The following AMOTL2 variants were observed in gnomAD, a reference collection of about 807,000 sequenced individuals.
The protein encoded by AMOTL2 is angiomotin like 2.
In AMOTL2, 33 loss-of-function variants were observed where a neutral mutation model predicts 78.4. That is an observed-to-expected ratio of 0.42 (90% CI 0.32 to 0.56). AMOTL2 has a LOEUF of 0.56. AMOTL2 is among the 20% of genes least tolerant of loss of function. The pLI is 0.12. For synonymous variants in AMOTL2, 422 were observed against 428.8 expected (o/e 0.98, Z 0.20); for missense variants, 983 against 1,030.1 (o/e 0.95, Z 0.63).
At chr3:134,360,751 T>C (rs993082373) in intron 6 of AMOTL2, among the ~76,000 whole-genome samples, 1 of 152,064 alleles carries the variant, frequency 6.6e-6, no homozygotes, top group Non-Finnish European at 1.5e-5. Flanking sequence ...AAGGGTAGGT[T>C]TGGGAGTGGA....
chr3:134,370,661 A>C (rs769990716), intron 2 of AMOTL2, 39 bp downstream of exon 2: 2 of 1,501,384 alleles, frequency 1.3e-6, no homozygotes, highest in Admixed American at 4.6e-5. Context: ...GTGCTGGAAG[A>C]AAGCCAGGAG....
chr3:134,374,992 G>C (rs2018036636), upstream of AMOTL2: 1 of 1,422,732 alleles, frequency 7.0e-7, no homozygotes, highest in African/African-American at 1.4e-5. Flanking sequence ...ATATCCTCTG[G>C]GCTGGGACAG....
upstream of AMOTL2, chr3:134,374,815 C>CA (rs899038401): frequency 5.7e-6 from 6 of 1,061,066 alleles, no homozygotes; most frequent in African/African-American, 6.7e-5. Context: ...GACCCGCTCT[C>CA]ACCCTTCATC....
Position 134,358,586 on chromosome 3 carries a change from A to G in AMOTL2, c.2238T>C (p.Pro746=). ...TACTGCTGCACCCCAGAAGGCTGTC[A>G]GGCTCCGGTGGCAGGCAGGTGGAGG... The part of the protein sequence containing the change: ...DSTSTCLPPE[P]DSLLGCSSSQ... Residue 746 remains proline (P), a synonymous_variant, in exon 9 of 10, where the codon CCT becomes CCC. Transcript: ENST00000249883. 6.2e-7 allele frequency: 1 copy of G among 1,614,146 alleles called. No homozygotes were observed. The highest frequency in any genetic ancestry group is 8.5e-7 in the Non-Finnish European group (1 of 1,180,034).
chr3:134,374,846 G>C, upstream of AMOTL2: 1 of 1,166,448 alleles, frequency 8.6e-7, no homozygotes, highest in Non-Finnish European at 1.1e-6. Flanking sequence ...TCGACGGGAC[G>C]ACAGCAAGGG....
At chr3:134,374,542 A>G (rs1045052066), upstream of AMOTL2, 2 of 985,348 alleles carry the variant, frequency 2.0e-6, no homozygotes, top group Non-Finnish European at 2.4e-6. Flanking sequence ...CCCCCTCGGG[A>G]TCAAAGCGAA....
chr3:134,360,547 T>G, intron 6 of AMOTL2, 134 bp from the exon 7 acceptor site: 1 of 788,536 alleles, frequency 1.3e-6, no homozygotes, highest in South Asian at 1.8e-5. Context: ...TCCCCATCCT[T>G]CCTCTACCGA....
chr3:134,374,809 C>G (rs944479777), upstream of AMOTL2: 2 of 1,044,118 alleles, frequency 1.9e-6, no homozygotes, highest in South Asian at 3.7e-5. Context: ...GTCGCCGACC[C>G]GCTCTCACCC....
chr3:134,362,892 T>C (rs985547882), intron 5 of AMOTL2, among the ~76,000 whole-genome samples: 2 of 152,136 alleles, frequency 1.3e-5, no homozygotes, highest in African/African-American at 4.8e-5. Flanking sequence ...CTCCCGCTAA[T>C]GAACCTAAAG....
rs1258379910 is a variant in AMOTL2 at position 134,360,257 on chromosome 3, C to T, written c.1732G>A (p.Ala578Thr). 1 of 1,614,208 alleles carries T rather than the reference C, an allele frequency of 6.2e-7. No individual in the cohort carries two copies. Residue 578 changes from alanine to threonine, a missense_variant, in exon 7 of 10, where the codon GCC (alanine) becomes ACC (threonine). By Grantham distance (58) the Ala-to-Thr change is moderately conservative (BLOSUM62 0). Coordinates refer to ENST00000249883, the MANE Select transcript of AMOTL2 (RefSeq NM_016201.4). Reference protein sequence around the residue: ...KWEQKYLEERAMRQFAMDAAA... With the variant: ...KWEQKYLEERTMRQFAMDAAA... Reference sequence around the variant, plus strand: ...GCATCCATGGCAAACTGCCTCATGGCACGTTCCTCCAAATACTTCTGCTCC... The same window carrying T: ...GCATCCATGGCAAACTGCCTCATGGTACGTTCCTCCAAATACTTCTGCTCC...
rs1445845528 is a variant in AMOTL2, at chr3:134,356,374, C to T, written c.*1331G>A. On this transcript the variant is annotated 3_prime_UTR_variant, in exon 10 of 10. Transcript: ENST00000249883. ...GTAAAGACAAAACTGCTAAAACCCA[C>T]CAATAGCTCCTGGGGCTGAAGTGAG... is the stretch of plus-strand genomic sequence containing the variant. The T allele has an allele frequency of 1.3e-5, 2 of 152,548 alleles. No individual in the cohort carries two copies. The highest frequency in any genetic ancestry group is 6.5e-5 in the Admixed American group (1 of 15,282). The allele number at this position is 152,548 out of a possible 1,614,324, so 9.4% of individuals were successfully genotyped here. A position where few individuals can be genotyped will look rare whatever the true frequency, so the allele number is the denominator to read the frequency against.
chr3:134,363,802 G>T (rs1477904279), intron 5 of AMOTL2, among the ~76,000 whole-genome samples: 1 of 152,204 alleles, frequency 6.6e-6, no homozygotes, highest in Non-Finnish European at 1.5e-5. Flanking sequence ...AGGAAGAGCT[G>T]CTTGGGTTTC....
upstream of AMOTL2, chr3:134,375,212 C>G: frequency 6.5e-7 from 1 of 1,535,720 alleles, no homozygotes; most frequent in Non-Finnish European, 8.7e-7. Context: ...CGCCGCCAGG[C>G]GCTCTGTCCA....
At chr3:134,373,772 C>T in intron 1 of AMOTL2, 2 of 985,470 alleles carry the variant, frequency 2.0e-6, no homozygotes, top group Non-Finnish European at 1.2e-6. Flanking sequence ...ATCGCGGGTC[C>T]GCCTCCCTCC....
chr3:134,374,592 C>T, upstream of AMOTL2: 1 of 985,418 alleles, frequency 1.0e-6, no homozygotes, highest in Non-Finnish European at 1.2e-6. Context: ...CCTCCGCCCT[C>T]CGCCTTCTCC....
intron 3 of AMOTL2, chr3:134,366,733 T>C (rs2017622236): frequency 7.3e-6 from 2 of 272,788 alleles, no homozygotes; most frequent in Non-Finnish European, 1.4e-5. Flanking sequence ...CTGTGCCCAG[T>C]GTCCAGAAGG....
Position 134,357,591 on chromosome 3 carries a change from G to C in AMOTL2, c.*114C>G. 1 of 1,107,208 alleles carries C rather than the reference G, an allele frequency of 9.0e-7. No homozygotes were observed. Among genetic ancestry groups the C allele is most frequent in the South Asian group, 1.3e-5 (1 of 77,854 alleles). The allele number at this position is 1,107,208 out of a possible 1,614,324, so 68.6% of individuals were successfully genotyped here. A position where few individuals can be genotyped will look rare whatever the true frequency, so the allele number is the denominator to read the frequency against. Reference sequence around the variant, plus strand: ...GACCAGATGGTCAATGGGAATGAGTGTCTGGCTGGGGAAAGGGACGGAGCA... The same window carrying C: ...GACCAGATGGTCAATGGGAATGAGTCTCTGGCTGGGGAAAGGGACGGAGCA... On this transcript the variant is annotated 3_prime_UTR_variant, in exon 10 of 10. Transcript: ENST00000249883.
intron 1 of AMOTL2, chr3:134,373,765 G>T (rs2017974773): frequency 1.0e-6 from 1 of 985,482 alleles, no homozygotes; most frequent in Non-Finnish European, 1.2e-6. Context: ...TTTAAGCATC[G>T]CGGGTCCGCC....
intron 1 of AMOTL2, among the ~76,000 whole-genome samples, chr3:134,372,562 C>CACACACACACAA (rs1392836074): frequency 4.6e-5 from 7 of 150,548 alleles, no homozygotes; most frequent in African/African-American, 1.5e-4. Context: ...CACACAAACA[C>CACACACACACAA]ACACACACGC....
Sources: gnomAD v4.1 joint callset for allele counts (sites outside exome capture counted in the v4.1 genomes callset) on GRCh38, gnomAD v4.1.1 for gene constraint, MANE v1.5 for transcripts, NCBI Gene and HGNC (gene_info 2026-07-23, HGNC 2026-07-21) for gene names.